STAU1: variants seen among roughly 807,000 people sequenced by gnomAD.
STAU1 encodes the protein staufen double-stranded RNA binding protein 1.
In STAU1, 13 loss-of-function variants were observed where a neutral mutation model predicts 62.9. The observed-to-expected ratio is 0.21, with a 90% CI of 0.13 to 0.33. The LOEUF is 0.33. STAU1 is among the 10% of genes least tolerant of loss of function. The pLI is 1.00. For missense variants in STAU1, 571 were observed against 712.1 expected (o/e 0.80, Z 2.25); for synonymous variants, 269 against 265.1 (o/e 1.01, Z -0.14).
chr20:49,126,575 A>AAAAAAAAAAAAC (rs1600640099), intron 6 of STAU1, among the ~76,000 whole-genome samples: 2 of 48,526 alleles, frequency 4.1e-5, no homozygotes, highest in African/African-American at 1.2e-4. Context: ...CTCAAAAAGC[A>AAAAAAAAAAAAC]AAAAAAAAAA....
At chr20:49,130,564 G>A (rs1322067255) in intron 6 of STAU1, among the ~76,000 whole-genome samples, 4 of 152,076 alleles carry the variant, frequency 2.6e-5, no homozygotes, top group Non-Finnish European at 4.4e-5. Flanking sequence ...AATGGGTGAC[G>A]ATAACAATGG....
At chr20:49,195,535 C>CAAAAAAAAAAAAAAAAAAAAA in the STAU1 span, among the ~76,000 whole-genome samples, 4 of 38,148 alleles carry the variant, frequency 1.0e-4, no homozygotes, top group African/African-American at 1.6e-4. Context: ...GACTCCGTCT[C>CAAAAAAAAAAAAAAAAAAAAA]AAAAAAAAAA....
At chr20:49,158,142 T>A (rs2093391977) in intron 3 of STAU1, among the ~76,000 whole-genome samples, 2 of 151,652 alleles carry the variant, frequency 1.3e-5, no homozygotes, top group South Asian at 4.2e-4. Context: ...ATTAGCCACG[T>A]GTGGTAGTAC....
rs777633588 is a variant in STAU1, at chr20:49,120,155, C to T, written c.967-27G>A. ...TGCACAAAGAAGTCAAAACACAGAC[C>T]AGTGCTTAAACCTTCAGAATAACAA... On this transcript the variant is annotated intron_variant, in intron 8 of 13. Transcript: ENST00000371856. 10 of 1,602,278 alleles carry T rather than the reference C, an allele frequency of 6.2e-6. 1 individual carries two copies. The African/African-American group carries it at 6.7e-5, about 11-fold the overall frequency.
chr20:49,193,400 C>A, the STAU1 span, among the ~76,000 whole-genome samples: 11 of 152,068 alleles, frequency 7.2e-5, no homozygotes, highest in East Asian at 2.1e-3. Flanking sequence ...AAGGCCGGGC[C>A]GGTAGCTCAC....
chr20:49,170,873 C>A (rs990096358), intron 2 of STAU1, among the ~76,000 whole-genome samples: 1 of 151,772 alleles, frequency 6.6e-6, no homozygotes, highest in Non-Finnish European at 1.5e-5. Context: ...CACTAAATGT[C>A]TCCCCTTGCA....
chr20:49,156,788 A>G lies in STAU1; in HGVS notation c.206-2717T>C, dbSNP rs115307867. On this transcript the variant is annotated intron_variant, in intron 3 of 13. Transcript: ENST00000371856. Reference sequence around the variant, plus strand: ...GTTTAAGAGGCCTGGTCTTATCTTGATAATTCATCCTGTCATCCCCTTCTT... The same window carrying G: ...GTTTAAGAGGCCTGGTCTTATCTTGGTAATTCATCCTGTCATCCCCTTCTT... 1.4e-3 allele frequency among the ~76,000 whole-genome samples: 215 copies of G among 152,260 alleles called. 1 individual carries two copies. The highest frequency in any genetic ancestry group is 4.9e-3 in the African/African-American group (203 of 41,530).
At chr20:49,169,055 A>T (rs2093564078) in intron 2 of STAU1, among the ~76,000 whole-genome samples, 1 of 150,476 alleles carries the variant, frequency 6.6e-6, no homozygotes, top group Admixed American at 6.7e-5. Flanking sequence ...GGTTCAAGCG[A>T]TTTTCCTGCC....
At chr20:49,143,004 T>A (rs2093043072) in intron 5 of STAU1, among the ~76,000 whole-genome samples, 1 of 152,036 alleles carries the variant, frequency 6.6e-6, no homozygotes, top group East Asian at 1.9e-4. Context: ...TCTCTCCATC[T>A]TGTCCAGGAT....
intron 1 of STAU1, among the ~76,000 whole-genome samples, chr20:49,178,234 A>G (rs1321415862): frequency 6.6e-6 from 1 of 152,170 alleles, no homozygotes; most frequent in African/African-American, 2.4e-5. Flanking sequence ...AAATCCTCCA[A>G]TTTCAAAAGA....
chr20:49,199,179 G>T, the STAU1 span, among the ~76,000 whole-genome samples: 2 of 151,918 alleles, frequency 1.3e-5, no homozygotes, highest in Admixed American at 1.3e-4. Flanking sequence ...CCAAATAGGA[G>T]AATGTAGAGC....
At chr20:49,120,157 G>T in intron 8 of STAU1, 29 bp from the exon 9 acceptor site, 1 of 1,595,130 alleles carries the variant, frequency 6.3e-7, no homozygotes, top group South Asian at 1.1e-5. Flanking sequence ...ACACAGACCA[G>T]TGCTTAAACC....
the STAU1 span, among the ~76,000 whole-genome samples, chr20:49,217,702 C>A: frequency 8.4e-6 from 1 of 118,846 alleles, no homozygotes. Flanking sequence ...TATTTTTAGG[C>A]CAGGCGCAGT....
rs2092362807 is a variant in STAU1, at chr20:49,117,794, T to C, written c.1492A>G (p.Arg498Gly). ...RPSEQLDYLSRVQGFQVEYKD... is the reference protein window; with the variant it reads ...RPSEQLDYLSGVQGFQVEYKD... The stretch of plus-strand genomic sequence containing the variant: ...ACAGTTACCTGGAATCCCTGGACTC[T>C]GGAAAGATAGTCCAGTTGCTCAGAG... The change falls in exon 11 of 14, where the codon AGA becomes GGA. Residue 498 changes from arginine (R) to glycine (G), a missense_variant. By Grantham distance (125) the Arg-to-Gly change is moderately radical. This residue lies in a region of STAU1 where 156 missense variants were observed against 194.7 expected (regional missense o/e 0.80). Transcript: ENST00000371856. This position sits in a 1 kb window ranked among gnomAD's most constrained non-coding sequence, Gnocchi z 4.6. 2 of 1,612,106 alleles carry C rather than the reference T, an allele frequency of 1.2e-6. No individual in the cohort carries two copies. Among genetic ancestry groups the C allele is most frequent in the African/African-American group, 1.3e-5 (1 of 75,014 alleles).
chr20:49,162,732 T>C (rs899471395), intron 3 of STAU1, among the ~76,000 whole-genome samples: 1 of 146,312 alleles, frequency 6.8e-6, no homozygotes, highest in Non-Finnish European at 1.5e-5. Flanking sequence ...GCCGAGACCA[T>C]GCCACTGCAC....
intron 6 of STAU1, among the ~76,000 whole-genome samples, chr20:49,126,081 G>A (rs1568834474): frequency 6.6e-6 from 1 of 151,784 alleles, no homozygotes; most frequent in Non-Finnish European, 1.5e-5. Flanking sequence ...ACACAGAGGC[G>A]CTAACATGCA....
chr20:49,123,742 C>T (rs1169940410), intron 7 of STAU1, among the ~76,000 whole-genome samples: 1 of 152,220 alleles, frequency 6.6e-6, no homozygotes, highest in Non-Finnish European at 1.5e-5. Flanking sequence ...TCAGAAGTGA[C>T]TTCCAGGCTA....
chr20:49,141,617 A>C (rs963372525), intron 5 of STAU1, among the ~76,000 whole-genome samples: 1 of 152,208 alleles, frequency 6.6e-6, no homozygotes, highest in African/African-American at 2.4e-5. Context: ...GCAACGGGCC[A>C]GGCGAGGTGG....
At chr20:49,121,505 C>G (rs2145857296) in intron 8 of STAU1, among the ~76,000 whole-genome samples, 1 of 152,284 alleles carries the variant, frequency 6.6e-6, no homozygotes, top group East Asian at 1.9e-4. Context: ...ATGAGCAACA[C>G]CTTTGCTGAA....
Sources: gnomAD v4.1 joint callset for allele counts (sites outside exome capture counted in the v4.1 genomes callset) on GRCh38, gnomAD v4.1.1 for gene constraint, gnomAD v4.1.1 regional missense constraint, Gnocchi (gnomAD v3.1) non-coding constraint, MANE v1.5 for transcripts, NCBI Gene and HGNC (gene_info 2026-07-23, HGNC 2026-07-21) for gene names.